The following UMAD1 variants were observed in gnomAD, a reference collection of about 807,000 sequenced individuals.
The protein encoded by UMAD1 is UBAP1-MVB12-associated (UMA) domain containing 1.
UMAD1 carries 8 observed loss-of-function variants against 6.1 expected under a neutral mutation model. That is an observed-to-expected ratio of 1.30 (90% CI 0.76 to 2.35). UMAD1 has a LOEUF of 2.35. UMAD1 is among the 30% of genes most tolerant of loss of function. The pLI is 0.00. For missense variants in UMAD1, 130 were observed against 78.4 expected, an observed-to-expected ratio of 1.66 and a Z score of -2.49; for synonymous variants, 56 against 31.4, an observed-to-expected ratio of 1.78 and a Z score of -2.61.
intron 3 of UMAD1, among the ~76,000 whole-genome samples, chr7:7,817,938 C>G (rs956793770): frequency 6.4e-4 from 97 of 152,176 alleles, no homozygotes; most frequent in African/African-American, 2.2e-3. Flanking sequence ...CTCAGCCTCT[C>G]GAGTCACTGG....
At chr7:7,807,291 A>G (rs898156460) in intron 3 of UMAD1, among the ~76,000 whole-genome samples, 7 of 152,144 alleles carry the variant, frequency 4.6e-5, no homozygotes, top group South Asian at 4.1e-4. Flanking sequence ...GTCTACTTGT[A>G]TGATTAATTT....
At chr7:7,724,839 T>C (rs1781111266) in intron 2 of UMAD1, among the ~76,000 whole-genome samples, 1 of 152,214 alleles carries the variant, frequency 6.6e-6, no homozygotes, top group African/African-American at 2.4e-5. Flanking sequence ...GCAATTTGCT[T>C]TCAGCTTCCT....
At chr7:7,688,400 C>T (rs1046648293) in intron 2 of UMAD1, among the ~76,000 whole-genome samples, 2 of 152,104 alleles carry the variant, frequency 1.3e-5, no homozygotes, top group Non-Finnish European at 2.9e-5. Flanking sequence ...GGAAAACTTA[C>T]TTATAATTAG....
chr7:7,816,253 A>G (rs770877984), intron 3 of UMAD1, among the ~76,000 whole-genome samples: 4 of 152,178 alleles, frequency 2.6e-5, no homozygotes, highest in African/African-American at 4.8e-5. Flanking sequence ...CACAAAACCT[A>G]TGCTTTGCAT....
intron 3 of UMAD1, among the ~76,000 whole-genome samples, chr7:7,833,919 G>A (rs4579434): frequency 0.37 from 56,212 of 151,534 alleles, 10,765 homozygotes; most frequent in East Asian, 0.55. Flanking sequence ...TCAAGCACTG[G>A]TTTCCAAGGA....
intron 3 of UMAD1, among the ~76,000 whole-genome samples, chr7:7,822,272 T>G: frequency 6.6e-6 from 1 of 151,992 alleles, no homozygotes; most frequent in East Asian, 1.9e-4. Flanking sequence ...GGCAGTTGGG[T>G]AAATGCTGAT....
intron 3 of UMAD1, among the ~76,000 whole-genome samples, chr7:7,875,351 G>A (rs943030478): frequency 4.6e-5 from 7 of 152,168 alleles, no homozygotes; most frequent in South Asian, 2.1e-4. Context: ...GAGCAGAAGC[G>A]AAGGAGATAG....
chr7:7,790,546 C>T (rs1247801880), intron 2 of UMAD1, among the ~76,000 whole-genome samples: 1 of 152,200 alleles, frequency 6.6e-6, no homozygotes, highest in Non-Finnish European at 1.5e-5. Flanking sequence ...TTCACTATTG[C>T]TGTGTCTGCT....
intron 1 of UMAD1, among the ~76,000 whole-genome samples, chr7:7,660,187 T>C (rs541067110): frequency 6.6e-6 from 1 of 152,372 alleles, no homozygotes; most frequent in Non-Finnish European, 1.5e-5. Context: ...TTTGAGCCTA[T>C]GTGTGTCTTT....
intron 3 of UMAD1, among the ~76,000 whole-genome samples, chr7:7,836,876 T>C (rs1783582163): frequency 6.6e-6 from 1 of 151,402 alleles, no homozygotes; most frequent in South Asian, 2.1e-4. Context: ...CTAACATCCA[T>C]CTTAATGGAG....
chr7:7,812,761 C>A (rs1231927954), intron 3 of UMAD1, among the ~76,000 whole-genome samples: 2 of 149,618 alleles, frequency 1.3e-5, no homozygotes, highest in South Asian at 2.1e-4. Context: ...GTGAGAGGTC[C>A]ATGTTGGGAG....
intron 2 of UMAD1, among the ~76,000 whole-genome samples, chr7:7,781,415 A>G (rs560450979): frequency 5.9e-5 from 9 of 152,146 alleles, no homozygotes; most frequent in African/African-American, 2.2e-4. Flanking sequence ...TGCATTCTGG[A>G]AAAATCACTG....
chr7:7,854,424 C>A (rs1783976315), intron 3 of UMAD1, among the ~76,000 whole-genome samples: 1 of 150,618 alleles, frequency 6.6e-6, no homozygotes, highest in African/African-American at 2.4e-5. Flanking sequence ...GCTGAGGAGG[C>A]CTCAGAAAAC....
At chr7:7,813,779 G>A (rs1001031064) in intron 3 of UMAD1, among the ~76,000 whole-genome samples, 1 of 152,150 alleles carries the variant, frequency 6.6e-6, no homozygotes, top group Non-Finnish European at 1.5e-5. Context: ...CCATCGGAGA[G>A]CTGTATATTT....
intron 3 of UMAD1, among the ~76,000 whole-genome samples, chr7:7,867,697 C>T (rs952649764): frequency 6.6e-6 from 1 of 151,754 alleles, no homozygotes; most frequent in African/African-American, 2.4e-5. Context: ...CAGTGTGTGC[C>T]AACAATGGTC....
intron 3 of UMAD1, among the ~76,000 whole-genome samples, chr7:7,806,243 G>GTT (rs35024671): frequency 1.2e-3 from 171 of 147,504 alleles, no homozygotes; most frequent in Middle Eastern, 3.5e-3. Flanking sequence ...GAACAGCAGG[G>GTT]TTTTTTTTTT....
In UMAD1 at chr7:7,782,760, G is replaced by C. The variant is rs1477724248; in HGVS notation, c.83-18910G>C. Among the ~76,000 whole-genome samples, 3 of 141,164 alleles carry C rather than the reference G, an allele frequency of 2.1e-5. No homozygotes were observed. In the Admixed American group the frequency reaches 2.2e-4, roughly 10 times the overall value. The allele number at this position is 141,164 out of a possible 152,430, so 92.6% of individuals were successfully genotyped here. A position where few individuals can be genotyped will look rare whatever the true frequency, so the allele number is the denominator to read the frequency against. On this transcript the variant is annotated intron_variant, in intron 2 of 3. Coordinates refer to ENST00000682710, the MANE Select transcript of UMAD1 (RefSeq NM_001302348.2). ...TTTTTTTTTTTTTTTTTTTTGAGAC[G>C]GAGTCTCTTTCTGTCACCCAGGTTG... is the stretch of plus-strand genomic sequence containing the variant.
At chr7:7,845,203 T>C (rs917323031) in intron 3 of UMAD1, among the ~76,000 whole-genome samples, 1 of 152,100 alleles carries the variant, frequency 6.6e-6, no homozygotes, top group African/African-American at 2.4e-5. Context: ...AATTATGTTT[T>C]GGACTGACGT....
At chr7:7,814,028 G>T (rs541132444) in intron 3 of UMAD1, among the ~76,000 whole-genome samples, 121 of 151,880 alleles carry the variant, frequency 8.0e-4, no homozygotes, top group African/African-American at 2.8e-3. Context: ...TCTGTTGCCA[G>T]GCTGGAGCAC....
Sources: allele counts gnomAD v4.1 joint callset (sites outside exome capture counted in the v4.1 genomes callset), GRCh38; gene constraint gnomAD v4.1.1; transcripts MANE v1.5; gene names NCBI Gene and HGNC (gene_info 2026-07-23, HGNC 2026-07-21).